The following PLCZ1 variants were observed in gnomAD, a reference collection of about 807,000 sequenced individuals.
PLCZ1 encodes phospholipase C zeta 1.
PLCZ1 carries 64 observed loss-of-function variants against 76.8 expected under a neutral mutation model. The observed-to-expected ratio is 0.83, with a 90% CI of 0.68 to 1.03. PLCZ1 has a LOEUF of 1.03. PLCZ1 is among the 50% of genes least tolerant of loss of function. The pLI is 0.00. For missense variants in PLCZ1, 751 were observed against 713.7 expected, an observed-to-expected ratio of 1.05 and a Z score of -0.60; for synonymous variants, 248 against 230.8, an observed-to-expected ratio of 1.07 and a Z score of -0.68.
intron 6 of PLCZ1, 115 bp from the exon 7 acceptor site, chr12:18,705,430 C>T (rs1956477325): frequency 7.7e-7 from 1 of 1,291,644 alleles, no homozygotes; most frequent in Non-Finnish European, 1.1e-6. Flanking sequence ...AGTACCTTTG[C>T]AAAATAACTA....
intron 5 of PLCZ1, among the ~76,000 whole-genome samples, chr12:18,717,613 G>C (rs1215293878): frequency 6.6e-6 from 1 of 152,092 alleles, no homozygotes; most frequent in Non-Finnish European, 1.5e-5. Flanking sequence ...AACTTAGCAT[G>C]GAAACCACAG....
At chr12:18,736,381 A>C in intron 2 of PLCZ1, 37 bp from the exon 3 acceptor site, 1 of 1,595,726 alleles carries the variant, frequency 6.3e-7, no homozygotes, top group Non-Finnish European at 8.5e-7. Flanking sequence ...TTCTCACAGA[A>C]AGTCATTGAA....
At chr12:18,688,860 G>C (rs1022595996) in intron 12 of PLCZ1, among the ~76,000 whole-genome samples, 7 of 151,994 alleles carry the variant, frequency 4.6e-5, no homozygotes, top group African/African-American at 1.7e-4. Flanking sequence ...GAAGATATAA[G>C]CCTAAAAACG....
chr12:18,707,913 T>A (rs1956816610), intron 6 of PLCZ1, among the ~76,000 whole-genome samples: 1 of 152,204 alleles, frequency 6.6e-6, no homozygotes, highest in African/African-American at 2.4e-5. Flanking sequence ...TACAACATGA[T>A]GTTATGGAAC....
At position 18,737,438 on chromosome 12, in the gene PLCZ1, G is replaced by C; in HGVS notation, c.-67C>G. 1 of 1,605,912 alleles carries C rather than the reference G, an allele frequency of 6.2e-7. No individual in the cohort carries two copies. Among genetic ancestry groups the C allele is most frequent in the Non-Finnish European group, 8.5e-7 (1 of 1,172,816 alleles). ...CTTTCCCCAGTAGGTGCTGTCATGG[G>C]TTCCAAATACAATTAACTCTGCCCC... On this transcript the variant is annotated 5_prime_UTR_variant, in exon 2 of 15. Coordinates refer to ENST00000266505, the MANE Select transcript of PLCZ1 (RefSeq NM_033123.4).
downstream of PLCZ1, among the ~76,000 whole-genome samples, chr12:18,678,239 T>A (rs960327048): frequency 6.6e-6 from 1 of 152,086 alleles, no homozygotes; most frequent in Non-Finnish European, 1.5e-5. Flanking sequence ...CATTGTCACA[T>A]CTGAGCCAAA....
the PLCZ1 span, among the ~76,000 whole-genome samples, chr12:18,655,244 C>G: frequency 6.6e-6 from 1 of 152,128 alleles, no homozygotes; most frequent in Non-Finnish European, 1.5e-5. Context: ...GGTAAAGAAC[C>G]TGCTTCCAGT....
At chr12:18,711,910 T>G (rs950046395) in intron 6 of PLCZ1, among the ~76,000 whole-genome samples, 7 of 152,144 alleles carry the variant, frequency 4.6e-5, no homozygotes, top group Non-Finnish European at 7.4e-5. Context: ...TATATTAAGA[T>G]AGAAATTGTT....
intron 7 of PLCZ1, among the ~76,000 whole-genome samples, chr12:18,703,280 G>A (rs1334217085): frequency 6.6e-6 from 1 of 151,962 alleles, no homozygotes. Context: ...ATTTTTTTCT[G>A]TCTCAGTTCT....
At chr12:18,651,181 G>C in the PLCZ1 span, among the ~76,000 whole-genome samples, 3 of 151,884 alleles carry the variant, frequency 2.0e-5, no homozygotes, top group Non-Finnish European at 4.4e-5. Context: ...CTCCAGGCAC[G>C]CTTCATCCCT....
At position 18,723,420 on chromosome 12, in the gene PLCZ1, A is replaced by C; in HGVS notation, c.258T>G (p.Ile86Met). ...ATTGAGCCAGATTACTTGCTAAAAG[A>C]ATTTTCCGGTTTTCAGAATATGTGT... ...IFNTYSENRK[I>M]LLASNLAQFL... The change falls in exon 4 of 15, where the codon ATT becomes ATG. Residue 86 changes from isoleucine (I) to methionine (M), a missense_variant. Ile to Met is a conservative substitution (Grantham distance 10). Coordinates refer to ENST00000266505, the MANE Select transcript of PLCZ1 (RefSeq NM_033123.4). 5 of 1,613,016 alleles carry C rather than the reference A, an allele frequency of 3.1e-6. No individual in the cohort carries two copies. The highest frequency in any genetic ancestry group is 4.2e-6 in the Non-Finnish European group (5 of 1,179,438).
the PLCZ1 span, among the ~76,000 whole-genome samples, chr12:18,677,328 G>A: frequency 6.6e-6 from 1 of 152,134 alleles, no homozygotes; most frequent in Non-Finnish European, 1.5e-5. Flanking sequence ...GACATAGGCT[G>A]AATCAGCACC....
intron 5 of PLCZ1, among the ~76,000 whole-genome samples, chr12:18,716,064 T>C (rs532082074): frequency 2.0e-5 from 3 of 152,312 alleles, no homozygotes; most frequent in South Asian, 4.1e-4. Flanking sequence ...TATTTATGTA[T>C]TTAGATTTTA....
chr12:18,667,476 G>A, the PLCZ1 span, among the ~76,000 whole-genome samples: 1 of 152,098 alleles, frequency 6.6e-6, no homozygotes, highest in South Asian at 2.1e-4. Context: ...TATGTTTTGA[G>A]AATATAATTT....
In PLCZ1 at chr12:18,696,756, G is replaced by C. The variant is rs78877558; in HGVS notation, c.1175-490C>G. Among the ~76,000 whole-genome samples the C allele has an allele frequency of 1.1e-3, 169 of 152,072 alleles. No individual in the cohort carries two copies. In the East Asian group the frequency reaches 0.023, roughly 21 times the overall value. ...TACTGAACATTTCACAGGTTCTCAG[G>C]GTTGAAAGGCACCCCAAAGTTGTCC... is the stretch of plus-strand genomic sequence containing the variant. On this transcript the variant is annotated intron_variant, in intron 10 of 14. Transcript: ENST00000266505.
the PLCZ1 span, among the ~76,000 whole-genome samples, chr12:18,661,809 A>C: frequency 6.6e-6 from 1 of 152,124 alleles, no homozygotes; most frequent in Non-Finnish European, 1.5e-5. Context: ...AAGGAATATA[A>C]ATTGTTCTAC....
the PLCZ1 span, among the ~76,000 whole-genome samples, chr12:18,651,376 T>C: frequency 6.6e-6 from 1 of 152,172 alleles, no homozygotes; most frequent in Non-Finnish European, 1.5e-5. Flanking sequence ...AGATCTTTCC[T>C]ACTCTACACC....
In PLCZ1 at chr12:18,719,525, G is replaced by A. The variant is rs200664557; in HGVS notation, c.475C>T (p.His159Tyr). The change falls in exon 5 of 15, where the codon CAT becomes TAT. Residue 159 changes from histidine to tyrosine, a missense_variant. His to Tyr is a moderately conservative substitution (Grantham distance 83). Transcript: ENST00000266505. ...ECRKVYQDMT[H>Y]PLNDYFISSS... ...GAAATAAAATAATCATTTAATGGAT[G>A]AGTCATATCTTGATAAACTTTTCTA... 19 of 1,584,864 alleles carry A rather than the reference G, an allele frequency of 1.2e-5. No homozygotes were observed. In the Admixed American group the frequency reaches 3.3e-4, roughly 27 times the overall value.
the PLCZ1 span, among the ~76,000 whole-genome samples, chr12:18,667,284 T>C: frequency 2.0e-5 from 3 of 152,264 alleles, no homozygotes; most frequent in East Asian, 5.8e-4. Context: ...TAGAGATATG[T>C]GTAATATCTT....
Sources: allele counts gnomAD v4.1 joint callset (sites outside exome capture counted in the v4.1 genomes callset), GRCh38; gene constraint gnomAD v4.1.1; transcripts MANE v1.5; gene names NCBI Gene and HGNC (gene_info 2026-07-23, HGNC 2026-07-21).